CSMD1: variants seen among roughly 807,000 people sequenced by gnomAD.
CSMD1 encodes CUB and Sushi multiple domains 1, also known as CUB and sushi domain-containing protein 1.
Under a neutral mutation model 417.5 loss-of-function variants are expected in CSMD1, and 213 were observed. That is an observed-to-expected ratio of 0.51 (90% CI 0.46 to 0.57). The LOEUF (loss-of-function observed/expected upper bound fraction) is 0.57. Among genes scored for constraint, CSMD1 ranks in the 20% least tolerant of loss-of-function variants. The pLI, the probability that CSMD1 is intolerant of heterozygous loss-of-function variation, is 0.00. For synonymous variants in CSMD1, 2,862 were observed against 1,736.8 expected, an observed-to-expected ratio of 1.65 and a Z score of -16.11; for missense variants, 6,923 against 4,529.7, an observed-to-expected ratio of 1.53 and a Z score of -15.17.
At chr8:3,863,986 T>G (rs920674761) in intron 5 of CSMD1, among the ~76,000 whole-genome samples, 3 of 152,180 alleles carry the variant, frequency 2.0e-5, no homozygotes. Flanking sequence ...CAGTCTAGGT[T>G]TGTAGAAAAT....
chr8:4,337,382 T>C (rs1800231691), intron 3 of CSMD1, among the ~76,000 whole-genome samples: 1 of 152,118 alleles, frequency 6.6e-6, no homozygotes, highest in South Asian at 2.1e-4. Context: ...TCTGCCCTTC[T>C]TCAGTAAACA....
At chr8:4,323,070 G>A (rs17069911) in intron 3 of CSMD1, among the ~76,000 whole-genome samples, 1,767 of 149,800 alleles carry the variant, frequency 0.012, 32 homozygotes, top group African/African-American at 0.039. Flanking sequence ...CAAATAGAGA[G>A]TTAAGCAGCG....
intron 10 of CSMD1, among the ~76,000 whole-genome samples, chr8:3,507,756 T>C (rs900397189): frequency 2.0e-5 from 3 of 152,240 alleles, no homozygotes; most frequent in African/African-American, 4.8e-5. Context: ...TGATGGCCAG[T>C]GATGATGAGC....
At chr8:3,090,003 A>G (rs1016463039) in intron 48 of CSMD1, among the ~76,000 whole-genome samples, 1 of 152,156 alleles carries the variant, frequency 6.6e-6, no homozygotes, top group Non-Finnish European at 1.5e-5. Context: ...CATTGGAAAA[A>G]TTCAAACACC....
chr8:2,971,643 ACT>A (rs982388872), intron 57 of CSMD1, among the ~76,000 whole-genome samples: 4 of 152,112 alleles, frequency 2.6e-5, no homozygotes, highest in African/African-American at 9.7e-5. Context: ...AGTAGAAAAC[ACT>A]CTGGTTTTGG....
chr8:4,359,650 A>G (rs1050439587), intron 3 of CSMD1, among the ~76,000 whole-genome samples: 5 of 152,138 alleles, frequency 3.3e-5, no homozygotes, highest in African/African-American at 1.2e-4. Context: ...TCCCCTTGCA[A>G]ATGTGTGTGG....
At chr8:4,394,376 G>T (rs182251263) in intron 3 of CSMD1, among the ~76,000 whole-genome samples, 1 of 152,138 alleles carries the variant, frequency 6.6e-6, no homozygotes, top group Non-Finnish European at 1.5e-5. Flanking sequence ...TCCATCATGA[G>T]CTCCACTAGA....
At chr8:4,542,475 A>G (rs1420130900) in intron 2 of CSMD1, among the ~76,000 whole-genome samples, 2 of 152,230 alleles carry the variant, frequency 1.3e-5, no homozygotes, top group Admixed American at 6.5e-5. Context: ...TGAATAGATC[A>G]CCAAATCAAT....
chr8:4,396,039 A>C (rs770449407), intron 3 of CSMD1, among the ~76,000 whole-genome samples: 2 of 152,322 alleles, frequency 1.3e-5, no homozygotes, highest in African/African-American at 4.8e-5. Flanking sequence ...TAGAAGGAGT[A>C]GCTAGCTATA....
At chr8:3,436,920 G>A (rs1814602472) in intron 12 of CSMD1, among the ~76,000 whole-genome samples, 1 of 151,854 alleles carries the variant, frequency 6.6e-6, no homozygotes, top group African/African-American at 2.4e-5. Context: ...TTTATGTATG[G>A]CTTCTCCAAA....
At chr8:4,202,267 C>G (rs1040057511) in intron 3 of CSMD1, among the ~76,000 whole-genome samples, 5 of 152,038 alleles carry the variant, frequency 3.3e-5, no homozygotes, top group Non-Finnish European at 7.4e-5. Flanking sequence ...AGATTTTATT[C>G]ATGTTACTGA....
chr8:4,516,639 G>C (rs1803144223), intron 2 of CSMD1, among the ~76,000 whole-genome samples: 1 of 152,094 alleles, frequency 6.6e-6, no homozygotes, highest in South Asian at 2.1e-4. Flanking sequence ...AACCTGTTGT[G>C]TGATCCTGCC....
intron 38 of CSMD1, among the ~76,000 whole-genome samples, chr8:3,159,510 G>A (rs941830385): frequency 5.3e-5 from 8 of 152,162 alleles, no homozygotes; most frequent in East Asian, 1.9e-4. Context: ...AGACACTCAC[G>A]TGTGAACTAT....
At chr8:4,618,571 C>T (rs1801606908) in intron 2 of CSMD1, among the ~76,000 whole-genome samples, 1 of 151,904 alleles carries the variant, frequency 6.6e-6, no homozygotes, top group South Asian at 2.1e-4. Flanking sequence ...ACATAGCCTT[C>T]TCCTGGATCC....
At chr8:4,572,520 C>T (rs1221103684) in intron 2 of CSMD1, among the ~76,000 whole-genome samples, 1 of 152,144 alleles carries the variant, frequency 6.6e-6, no homozygotes, top group African/African-American at 2.4e-5. Context: ...TTGTGGGTAA[C>T]CCAACCTTTC....
At chr8:3,150,173 GA>G (rs1470296789) in intron 40 of CSMD1, among the ~76,000 whole-genome samples, 1 of 152,040 alleles carries the variant, frequency 6.6e-6, no homozygotes, top group African/African-American at 2.4e-5. Context: ...GAGTATGACT[GA>G]AAAAAACAAA....
intron 3 of CSMD1, among the ~76,000 whole-genome samples, chr8:4,287,706 G>A (rs1001314412): frequency 7.0e-6 from 1 of 143,210 alleles, no homozygotes; most frequent in African/African-American, 2.5e-5. Context: ...GTAAGTGTAT[G>A]AAAGAGAGGG....
intron 3 of CSMD1, among the ~76,000 whole-genome samples, chr8:4,196,496 G>C (rs978816022): frequency 8.5e-5 from 13 of 152,122 alleles, no homozygotes; most frequent in Admixed American, 7.9e-4. Context: ...AATCCAGTTT[G>C]TTACATTTAT....
chr8:3,551,592 ATATATTTTTTT>A (rs371930061), intron 10 of CSMD1, among the ~76,000 whole-genome samples: 1,898 of 117,186 alleles, frequency 0.016, 40 homozygotes, highest in East Asian at 0.059. Context: ...ATATATATAT[ATATATTTTTTT>A]TTTTTTTTTT....
Sources: allele counts gnomAD v4.1 joint callset (sites outside exome capture counted in the v4.1 genomes callset), GRCh38; gene constraint gnomAD v4.1.1; transcripts MANE v1.5; gene names NCBI Gene and HGNC (gene_info 2026-07-23, HGNC 2026-07-21).